Variants in PKMYT1 observed in about 807,000 individuals in gnomAD.
The protein encoded by PKMYT1 is protein kinase, membrane associated tyrosine/threonine 1.
PKMYT1 carries 35 observed loss-of-function variants against 49.7 expected under a neutral mutation model. That is an observed-to-expected ratio of 0.70 (90% confidence interval 0.54 to 0.93). The LOEUF is 0.93. Ranked by LOEUF, PKMYT1 falls within the 40% of genes least tolerant of loss-of-function variation. The probability of loss-of-function intolerance (pLI) is 0.00; values close to 1 mark genes in which losing one functional copy is unlikely to be tolerated. For missense variants in PKMYT1, 677 were observed against 673.1 expected (o/e 1.01, Z -0.06); for synonymous variants, 331 against 287.6 (o/e 1.15, Z -1.53).
At position 2,979,739 on chromosome 16, in the gene PKMYT1, A is replaced by G. The variant is rs2072292267; in HGVS notation, c.-82T>C. 3.1e-6 allele frequency: 5 copies of G among 1,591,528 alleles called. No individual in the cohort carries two copies. In the East Asian group the frequency reaches 6.7e-5, roughly 21 times the overall value. ...CCCACGTGAATCCAGGGTGTCCCTG[A>G]GCTAAGGCCAGGCGGGGGTGACCTC... On this transcript the variant is annotated 5_prime_UTR_variant, in exon 2 of 9. Coordinates refer to ENST00000262300, the MANE Select transcript of PKMYT1 (RefSeq NM_004203.5).
Position 2,974,332 on chromosome 16 carries a change from T to A in PKMYT1, c.1065A>T (p.Ala355=). 6 of 1,607,312 alleles carry A rather than the reference T, an allele frequency of 3.7e-6. No individual in the cohort carries two copies. The highest frequency in any genetic ancestry group is 5.1e-6 in the Non-Finnish European group (6 of 1,177,654). ...CCCGCGGCTGCCTCAACACAGGCAG[T>A]GCCAGCAGGGCCTCGGCCGTGGCCC... ...KLRATAEALL[A]LPVLRQPRAW... Residue 355 remains alanine, a synonymous_variant, in exon 6 of 9, where the codon GCA becomes GCT. Transcript: ENST00000262300.
At position 2,974,152 on chromosome 16, in the gene PKMYT1, C is replaced by T; in HGVS notation, c.1158G>A (p.Leu386=). The change falls in exon 7 of 9, where the codon CTG becomes CTA. Residue 386 remains leucine, a synonymous_variant. Transcript: ENST00000262300. ...GCCAGAGCCAGCAGAGCAGGGCAAG[C>T]AGGGCCTGTGGGGGAGAGGAGCTCA... ...LSRGWALWQA[L]LALLCWLWHG... 5 of 1,599,100 alleles carry T rather than the reference C, an allele frequency of 3.1e-6. No individual in the cohort carries two copies. The highest frequency in any genetic ancestry group is 3.4e-6 in the Non-Finnish European group (4 of 1,172,870).
chr16:2,977,648 CAAG>C (rs2072234602), intron 2 of PKMYT1: 1 of 261,014 alleles, frequency 3.8e-6, no homozygotes, highest in African/African-American at 2.3e-5. Context: ...AAGGTTTACA[CAAG>C]AAAACCTGCC....
At chr16:2,973,291 C>T (rs1280608360) in intron 7 of PKMYT1, 76 bp from the exon 8 acceptor site, 1 of 1,501,208 alleles carries the variant, frequency 6.7e-7, no homozygotes, top group Non-Finnish European at 8.9e-7. Flanking sequence ...TGTCCCTGTG[C>T]AGGCTCCAGG....
rs1314724816 is a variant in PKMYT1, at chr16:2,976,966, TGGG to T, written c.73_75del (p.Pro25del). On this transcript the variant is annotated inframe_deletion, in exon 3 of 9. Transcript: ENST00000262300. Reference sequence around the variant, plus strand: ...TGGCGGAAGTAGGCTGGGACTGGGATGGGGGTGCCACTCAGAGGTGGCGGGGTG... The same window carrying T: ...TGGCGGAAGTAGGCTGGGACTGGGATGGTGCCACTCAGAGGTGGCGGGGTG... The T allele has an allele frequency of 6.4e-7, 1 of 1,558,066 alleles. No individual in the cohort carries two copies.
At chr16:2,973,969 C>A (rs762506798) in intron 7 of PKMYT1, 31 bp downstream of exon 7, 9 of 1,607,606 alleles carry the variant, frequency 5.6e-6, no homozygotes, top group Non-Finnish European at 6.8e-6. Context: ...CACCTTCCCC[C>A]TAGCCCCCCA....
At chr16:2,980,016 A>C in intron 1 of PKMYT1, 104 bp from the exon 2 acceptor site, 1 of 312,786 alleles carries the variant, frequency 3.2e-6, no homozygotes. Context: ...AAGGACTGTC[A>C]CGGGGAGGGC....
Position 2,974,057 on chromosome 16 carries a change from G to T in PKMYT1, c.1253C>A (p.Pro418His), listed in dbSNP as rs772583127. The T allele has an allele frequency of 1.2e-6, 2 of 1,612,358 alleles. No homozygotes were observed. Among genetic ancestry groups the T allele is most frequent in the East Asian group, 2.2e-5 (1 of 44,884 alleles). The change falls in exon 7 of 9, where the codon CCC becomes CAC. Residue 418 changes from proline (P) to histidine (H), a missense_variant. Coordinates refer to ENST00000262300, the MANE Select transcript of PKMYT1 (RefSeq NM_004203.5). ...GCTGCTGTCCAGGAGCAAACTGCAG[G>T]GTGGTGAGCCAGGCGGGGTGGCTGG... is the stretch of plus-strand genomic sequence containing the variant. ...GPPATPPGSP[P>H]CSLLLDSSLS...
rs2072294483 is a variant in PKMYT1, at chr16:2,979,847, C to A, written c.-190G>T. 1 of 631,046 alleles carries A rather than the reference C, an allele frequency of 1.6e-6. No homozygotes were observed. The highest frequency in any genetic ancestry group is 1.8e-5 in the African/African-American group (1 of 55,164). The allele number at this position is 631,046 out of a possible 1,614,324, so 39.1% of individuals were successfully genotyped here. On this transcript the variant is annotated 5_prime_UTR_variant, in exon 2 of 9. Coordinates refer to ENST00000262300, the MANE Select transcript of PKMYT1 (RefSeq NM_004203.5). ...CGACACATCTGCTGGCCACCTTTCC[C>A]GGTAGACGGTAAGTTCCTCCCAGGC...
In PKMYT1 at chr16:2,973,007, G is replaced by A. The variant is rs4149804; in HGVS notation, c.1446C>T (p.Ser482=). Reference sequence around the variant, plus strand: ...GGCTGAGGAGGTTCCGAGGCTCAAAGGAGGGGAAGGAGCCCCGAGGAGGCT... The same window carrying A: ...GGCTGAGGAGGTTCCGAGGCTCAAAAGAGGGGAAGGAGCCCCGAGGAGGCT... The part of the protein sequence containing the change: ...NSEPPRGSFP[S]FEPRNLLSLF... The change falls in exon 9 of 9, where the codon TCC becomes TCT. Residue 482 remains serine, a synonymous_variant. Coordinates refer to ENST00000262300, the MANE Select transcript of PKMYT1 (RefSeq NM_004203.5). The A allele has an allele frequency of 2.0e-3, 3,190 of 1,610,640 alleles. 47 individuals are homozygous for A. The African/African-American group carries it at 0.037, about 19-fold the overall frequency.
In PKMYT1 at chr16:2,976,721, C is replaced by A; in HGVS notation, c.321G>T (p.Gln107His). 1 of 1,496,228 alleles carries A rather than the reference C, an allele frequency of 6.7e-7. No individual in the cohort carries two copies. Among genetic ancestry groups the A allele is most frequent in the African/African-American group, 1.4e-5 (1 of 71,512 alleles). 92.7% of individuals were successfully genotyped at this position (1,496,228 alleles called of 1,614,324 possible). A position where few individuals can be genotyped will look rare whatever the true frequency, so the allele number is the denominator to read the frequency against. Residue 107 changes from glutamine (Q) to histidine (H), a missense_variant, in exon 3 of 9, where the codon CAG (glutamine) becomes CAT (histidine). Physicochemically the swap from Gln to His is conservative, Grantham distance 24. Coordinates refer to ENST00000262300, the MANE Select transcript of PKMYT1 (RefSeq NM_004203.5). ...GGCGGCTGAGCCTCTGGAAGCTCTG[C>A]TGGAAGAAGGACTCTGGCCGGCTTG... Reference protein sequence around the residue: ...YDPSRPESFFQQSFQRLSRLG... With the variant: ...YDPSRPESFFHQSFQRLSRLG...
intron 2 of PKMYT1, chr16:2,977,448 G>C: frequency 1.0e-6 from 1 of 1,001,528 alleles, no homozygotes; most frequent in South Asian, 4.4e-5. Flanking sequence ...GTGAAAACCC[G>C]GAATCCCTCA....
At chr16:2,973,873 C>G in intron 7 of PKMYT1, 127 bp downstream of exon 7, 3 of 1,074,868 alleles carry the variant, frequency 2.8e-6, no homozygotes, top group Non-Finnish European at 4.1e-6. Flanking sequence ...AGTCTTGGTC[C>G]CCTTCCCCAG....
chr16:2,976,364 G>C (rs772845108), intron 3 of PKMYT1, among the ~76,000 whole-genome samples: 11 of 152,312 alleles, frequency 7.2e-5, no homozygotes, highest in South Asian at 2.1e-4. Context: ...AGGCTGGGCC[G>C]ACTCGCCAAG....
At chr16:2,976,057 C>T in intron 3 of PKMYT1, 1 of 486,846 alleles carries the variant, frequency 2.1e-6, no homozygotes. Context: ...CCCCAGGGGA[C>T]CTCTTGGATG....
chr16:2,976,537 G>C (rs2072198231), intron 3 of PKMYT1, 127 bp downstream of exon 3: 1 of 912,852 alleles, frequency 1.1e-6, no homozygotes, highest in Non-Finnish European at 1.5e-6. Context: ...GAGCCTGTGA[G>C]CCCAGCAGGG....
rs556796128 is a variant in PKMYT1 at position 2,977,329 on chromosome 16, C to T, written c.11-298G>A. 2.2e-4 allele frequency: 267 copies of T among 1,210,440 alleles called. 1 individual carries two copies. In the African/African-American group the frequency reaches 2.5e-3, roughly 11 times the overall value. 75.0% of individuals were successfully genotyped at this position (1,210,440 alleles called of 1,614,324 possible). ...AAGAGCAAGGCAGTTTGGAGTCAGA[C>T]GGGCTGCGCCTGCATCCCTGCCCTC... On this transcript the variant is annotated intron_variant, in intron 2 of 8. Transcript: ENST00000262300.
rs568227014 is a variant in PKMYT1, at chr16:2,977,533, A to G, written c.11-502T>C. The G allele has an allele frequency of 2.6e-5, 25 of 973,674 alleles. No homozygotes were observed. In the East Asian group the frequency reaches 2.3e-3, roughly 88 times the overall value. 60.3% of individuals were successfully genotyped at this position (973,674 alleles called of 1,614,324 possible). ...CCACTTCCAGAATGGCAGTGTGTGC[A>G]GCTCCGTGGACCCCTGCCCCAGTGA... On this transcript the variant is annotated intron_variant, in intron 2 of 8. Coordinates refer to ENST00000262300, the MANE Select transcript of PKMYT1 (RefSeq NM_004203.5).
intron 2 of PKMYT1, chr16:2,977,444 A>C (rs1354856987): frequency 2.0e-6 from 2 of 1,001,662 alleles, no homozygotes; most frequent in Non-Finnish European, 2.4e-6. Flanking sequence ...CAAAGTGAAA[A>C]CCCGGAATCC....
Sources: allele counts gnomAD v4.1 joint callset (sites outside exome capture counted in the v4.1 genomes callset), GRCh38; gene constraint gnomAD v4.1.1; transcripts MANE v1.5; gene names NCBI Gene and HGNC (gene_info 2026-07-23, HGNC 2026-07-21).